Variants in MXRA7 observed in about 807,000 individuals in gnomAD.
MXRA7 encodes the protein matrix remodeling associated 7.
Under a neutral mutation model 17.4 loss-of-function variants are expected in MXRA7, and 18 were observed. That is an observed-to-expected ratio of 1.03 (90% confidence interval 0.71 to 1.53). The LOEUF (loss-of-function observed/expected upper bound fraction) is 1.53. Ranked by LOEUF, MXRA7 falls within the 40% of genes most tolerant of loss-of-function variation. MXRA7 has a pLI of 0.00. For synonymous variants in MXRA7, 70 were observed against 101.7 expected, an observed-to-expected ratio of 0.69 and a Z score of 1.87; for missense variants, 141 against 209.3, an observed-to-expected ratio of 0.67 and a Z score of 2.01.
At chr17:76,688,444 G>A in intron 1 of MXRA7, 1 of 1,358,866 alleles carries the variant, frequency 7.4e-7, no homozygotes, top group Non-Finnish European at 9.4e-7. Flanking sequence ...TTCCCAGGTG[G>A]GTGCCTGTTG....
chr17:76,686,370 C>T (rs2076397541), intron 2 of MXRA7, among the ~76,000 whole-genome samples: 1 of 152,178 alleles, frequency 6.6e-6, no homozygotes, highest in African/African-American at 2.4e-5. Flanking sequence ...ATCCCAGCTA[C>T]TCAGGAGGCT....
At chr17:76,699,687 T>C (rs2076571076) in intron 1 of MXRA7, among the ~76,000 whole-genome samples, 1 of 152,196 alleles carries the variant, frequency 6.6e-6, no homozygotes, top group Non-Finnish European at 1.5e-5. Flanking sequence ...CTTTGCACCA[T>C]GGCCTCAGGA....
At chr17:76,696,407 G>C (rs1169262196) in intron 1 of MXRA7, among the ~76,000 whole-genome samples, 1 of 152,154 alleles carries the variant, frequency 6.6e-6, no homozygotes, top group Non-Finnish European at 1.5e-5. Context: ...TGTAGCCCCA[G>C]ATACTTCGGA....
chr17:76,705,071 C>T (rs1236171041), intron 1 of MXRA7, among the ~76,000 whole-genome samples: 4 of 152,208 alleles, frequency 2.6e-5, no homozygotes, highest in Non-Finnish European at 5.9e-5. Context: ...TGTCTGCATG[C>T]TCACCATTTC....
At chr17:76,675,379 G>C (rs1466159754), downstream of MXRA7, 2 of 141,118 alleles carry the variant, frequency 1.4e-5, no homozygotes, top group Non-Finnish European at 3.0e-5. Context: ...ACCTGAGACA[G>C]AACAAATAAT....
chr17:76,697,652 G>A (rs1346978341), intron 1 of MXRA7, among the ~76,000 whole-genome samples: 3 of 152,186 alleles, frequency 2.0e-5, no homozygotes, highest in Admixed American at 6.5e-5. Flanking sequence ...CCCTCCAATG[G>A]AGGAGGTGGA....
intron 1 of MXRA7, among the ~76,000 whole-genome samples, chr17:76,709,063 C>T (rs1019898248): frequency 6.6e-6 from 1 of 152,096 alleles, no homozygotes; most frequent in African/African-American, 2.4e-5. Flanking sequence ...TGCTGAGAGC[C>T]GAAAGCCTTG....
rs930930009 is a variant in MXRA7, at chr17:76,710,614, C to T, written c.333G>A (p.Glu111=). The T allele has an allele frequency of 1.5e-5, 21 of 1,381,492 alleles. No homozygotes were observed. The highest frequency in any genetic ancestry group is 1.8e-5 in the Non-Finnish European group (19 of 1,063,368). The allele number at this position is 1,381,492 out of a possible 1,614,324, so 85.6% of individuals were successfully genotyped here. ...APAEAEEQAV[E]ARQEEEQDLD... ...GGGCCCCGGTGCGTACCTGCCTCGC[C>T]TCCACCGCCTGCTCCTCCGCCTCCG... The change falls in exon 1 of 4, where the codon GAG becomes GAA. Residue 111 remains glutamate (E), a synonymous_variant. Coordinates refer to ENST00000449428, the MANE Select transcript of MXRA7 (RefSeq NM_198530.4).
At chr17:76,688,310 C>T in intron 1 of MXRA7, 134 bp from the exon 2 acceptor site, 1 of 1,482,506 alleles carries the variant, frequency 6.7e-7, no homozygotes, top group Non-Finnish European at 8.9e-7. Flanking sequence ...AGCGCCTGCC[C>T]TGTGGTCATG....
In MXRA7 at chr17:76,707,336, G is replaced by A. The variant is rs968581046; in HGVS notation, c.342+3269C>T. ...TTTTTTTTTTTTGAGATGGAGTCTC[G>A]TTCTGTTGCCCAGGCTGAAGTGCAG... is the stretch of plus-strand genomic sequence containing the variant. On this transcript the variant is annotated intron_variant, in intron 1 of 3. Transcript: ENST00000449428. Among the ~76,000 whole-genome samples, 6 of 123,296 alleles carry A rather than the reference G, an allele frequency of 4.9e-5. No homozygotes were observed. In the East Asian group the frequency reaches 1.0e-3, roughly 21 times the overall value. The allele number at this position is 123,296 out of a possible 152,430, so 80.9% of individuals were successfully genotyped here.
At chr17:76,697,716 A>G (rs1314953873) in intron 1 of MXRA7, among the ~76,000 whole-genome samples, 2 of 152,202 alleles carry the variant, frequency 1.3e-5, no homozygotes, top group Non-Finnish European at 2.9e-5. Context: ...CCCCAGTGCT[A>G]GGAGCCTAGG....
At chr17:76,677,623 C>T (rs758198902), downstream of MXRA7, 14 of 1,612,994 alleles carry the variant, frequency 8.7e-6, no homozygotes, top group Middle Eastern at 1.6e-4. Context: ...TCCTGCACGT[C>T]GCCGTCGGAC....
At chr17:76,682,028 C>A (rs1431665035) in intron 3 of MXRA7, among the ~76,000 whole-genome samples, 1 of 152,216 alleles carries the variant, frequency 6.6e-6, no homozygotes, top group Non-Finnish European at 1.5e-5. Flanking sequence ...TAAGCAGCAG[C>A]TGCCTCTGGA....
At chr17:76,694,654 C>T (rs937155691) in intron 1 of MXRA7, among the ~76,000 whole-genome samples, 5 of 152,086 alleles carry the variant, frequency 3.3e-5, no homozygotes, top group Admixed American at 1.3e-4. Context: ...GATGCGATCT[C>T]GGCTCACTGC....
At chr17:76,704,707 C>T (rs1240272596) in intron 1 of MXRA7, among the ~76,000 whole-genome samples, 3 of 150,930 alleles carry the variant, frequency 2.0e-5, no homozygotes, top group Non-Finnish European at 4.4e-5. Context: ...ACTGCTTGAA[C>T]CCAGGAGGTG....
At chr17:76,676,826 T>G (rs536316181), downstream of MXRA7, 1 of 152,438 alleles carries the variant, frequency 6.6e-6, no homozygotes, top group East Asian at 1.9e-4. Context: ...GAGGATTTTG[T>G]GCGCCTGGGA....
rs1263363791 is a variant in MXRA7 at position 76,710,665 on chromosome 17, C to T, written c.282G>A (p.Gly94=). Residue 94 remains glycine (G), a synonymous_variant, in exon 1 of 4, where the codon GGG becomes GGA. Transcript: ENST00000449428. ...CTGGCGCCGCCGCGGGATCCCCTGGCCCTTCGGGCTCCCCCGGTCCCGCAG... is the reference window on the plus strand; with the variant it reads ...CTGGCGCCGCCGCGGGATCCCCTGGTCCTTCGGGCTCCCCCGGTCCCGCAG... ...GEPAGPGEPE[G]PGDPAAAPAE... is the part of the protein sequence containing the mutation. 4 of 1,335,422 alleles carry T rather than the reference C, an allele frequency of 3.0e-6. No homozygotes were observed. Among genetic ancestry groups the T allele is most frequent in the Non-Finnish European group, 3.8e-6 (4 of 1,039,156 alleles). 82.7% of individuals were successfully genotyped at this position (1,335,422 alleles called of 1,614,324 possible).
chr17:76,677,799 C>T, downstream of MXRA7: 2 of 789,074 alleles, frequency 2.5e-6, no homozygotes, highest in Non-Finnish European at 4.4e-6. Context: ...ACTCTCCTCT[C>T]TCTTGTGTGA....
chr17:76,685,871 T>A (rs970560732), intron 2 of MXRA7, among the ~76,000 whole-genome samples: 5 of 152,136 alleles, frequency 3.3e-5, no homozygotes, highest in Non-Finnish European at 7.3e-5. Flanking sequence ...AAGCTGAGCT[T>A]CCAGAGGGAA....
Sources: gnomAD v4.1 joint callset for allele counts (sites outside exome capture counted in the v4.1 genomes callset) on GRCh38, gnomAD v4.1.1 for gene constraint, MANE v1.5 for transcripts, NCBI Gene and HGNC (gene_info 2026-07-23, HGNC 2026-07-21) for gene names.